The following PCARE variants were observed in gnomAD, a reference collection of about 807,000 sequenced individuals.
PCARE encodes uncharacterized protein C2orf71.
A neutral mutation model predicts 82.2 loss-of-function variants in PCARE; 72 were observed. That is an observed-to-expected ratio of 0.88 (90% CI 0.72 to 1.07). The LOEUF (loss-of-function observed/expected upper bound fraction) is 1.07, where lower values mean the gene tolerates loss of function less well. PCARE is among the 50% of genes least tolerant of loss of function. The pLI, the probability that PCARE is intolerant of heterozygous loss-of-function variation, is 0.00. For synonymous variants in PCARE, 705 were observed against 634.8 expected, an observed-to-expected ratio of 1.11 and a Z score of -1.66; for missense variants, 1,768 against 1,592.4, an observed-to-expected ratio of 1.11 and a Z score of -1.88.
rs995038818 is a variant in PCARE, at chr2:29,071,007, C to T, written c.3255G>A (p.Ser1085=). 16 of 1,492,560 alleles carry T rather than the reference C, an allele frequency of 1.1e-5. No homozygotes were observed. Among genetic ancestry groups the T allele is most frequent in the Middle Eastern group, 1.8e-4 (1 of 5,670 alleles). The allele number at this position is 1,492,560 out of a possible 1,614,324, so 92.5% of individuals were successfully genotyped here. A position where few individuals can be genotyped will look rare whatever the true frequency, so the allele number is the denominator to read the frequency against. The change falls in exon 1 of 2, where the codon TCG becomes TCA. Residue 1085 remains serine, a synonymous_variant. Coordinates refer to ENST00000331664, the MANE Select transcript of PCARE (RefSeq NM_001029883.3). ...TQHPEASPPF[S]IPSPSPPMSP... ...ACATTGGGGGTGATGGGGAGGGAATCGAGAAAGGGGGGCTTGCTTCTGGGT... is the reference window on the plus strand; with the variant it reads ...ACATTGGGGGTGATGGGGAGGGAATTGAGAAAGGGGGGCTTGCTTCTGGGT...
Position 29,074,256 on chromosome 2 carries a change from C to T in PCARE, c.6G>A (p.Gly2=). ...CAAGGTCACTGTGTGAAGGTGTACA[C>T]CCCATGATTTCAGCTTGTAGTCATC... M[G]CTPSHSDLVN... The change falls in exon 1 of 2, where the codon GGG becomes GGA. Residue 2 remains glycine (G), a synonymous_variant. Transcript: ENST00000331664. The T allele has an allele frequency of 6.5e-7, 1 of 1,528,698 alleles. No homozygotes were observed. Among genetic ancestry groups the T allele is most frequent in the Non-Finnish European group, 8.8e-7 (1 of 1,141,142 alleles). 94.7% of individuals were successfully genotyped at this position (1,528,698 alleles called of 1,614,324 possible).
chr2:29,071,604 C>T lies in PCARE; in HGVS notation c.2658G>A (p.Val886=), dbSNP rs1221797002. 1 of 1,612,950 alleles carries T rather than the reference C, an allele frequency of 6.2e-7. No homozygotes were observed. The highest frequency in any genetic ancestry group is 8.5e-7 in the Non-Finnish European group (1 of 1,179,910). ...TGCTGGGCAGCAAGTCCAGGGGGCT[C>T]ACAGAGGCCCTCAGCTTTGGGGAAG... ...TWASPKLRAS[V]SPLDLLPSKS... The change falls in exon 1 of 2, where the codon GTG becomes GTA. Residue 886 remains valine, a synonymous_variant. Coordinates refer to ENST00000331664, the MANE Select transcript of PCARE (RefSeq NM_001029883.3).
chr2:29,073,419 G>A lies in PCARE; in HGVS notation c.843C>T (p.Leu281=), dbSNP rs754201856. The change falls in exon 1 of 2, where the codon CTC becomes CTT. Residue 281 remains leucine, a synonymous_variant. Coordinates refer to ENST00000331664, the MANE Select transcript of PCARE (RefSeq NM_001029883.3). ...CGGTGAGCGAGGCCACTGTGCCATT[G>A]AGCACCTGCAGCTTGCTGACTGTGT... The part of the protein sequence containing the change: ...LQYTVSKLQV[L]NGTVASLTGS... The A allele has an allele frequency of 4.3e-6, 7 of 1,614,030 alleles. No homozygotes were observed. Among genetic ancestry groups the A allele is most frequent in the Non-Finnish European group, 5.9e-6 (7 of 1,180,024 alleles).
At position 29,071,969 on chromosome 2, in the gene PCARE, G is replaced by T. The variant is rs746085242; in HGVS notation, c.2293C>A (p.Pro765Thr). 10 of 1,613,890 alleles carry T rather than the reference G, an allele frequency of 6.2e-6. No individual in the cohort carries two copies. Among genetic ancestry groups the T allele is most frequent in the Non-Finnish European group, 7.6e-6 (9 of 1,179,884 alleles). ...CCTGTGTACTTGGGAAATCTGGGGG[G>T]CATGATGCAATTCCTGAGGCAGGGA... ...ASPCLRNCIM[P>T]PRFPKYTGLA... Residue 765 changes from proline (P) to threonine (T), a missense_variant, in exon 1 of 2, where the codon CCC becomes ACC. Pro to Thr is a conservative substitution (Grantham distance 38). Coordinates refer to ENST00000331664, the MANE Select transcript of PCARE (RefSeq NM_001029883.3).
chr2:29,074,285 C>A lies in PCARE; in HGVS notation c.-24G>T. ...ATGATTTCAGCTTGTAGTCATCTTC[C>A]ACCCACCTTCACAATTTTCCAAGAA... On this transcript the variant is annotated 5_prime_UTR_variant, in exon 1 of 2. Transcript: ENST00000331664. 1 of 1,515,546 alleles carries A rather than the reference C, an allele frequency of 6.6e-7. No individual in the cohort carries two copies. 93.9% of individuals were successfully genotyped at this position (1,515,546 alleles called of 1,614,324 possible).
At position 29,073,731 on chromosome 2, in the gene PCARE, C is replaced by T. The variant is rs200914951; in HGVS notation, c.531G>A (p.Pro177=). ...AHEPEGKVDF[P]EPLVKAHQQA... ...GCTGGTGGGCCTTTACCAGAGGCTC[C>T]GGGAAGTCCACTTTGCCTTCAGGCT... Residue 177 remains proline, a synonymous_variant, in exon 1 of 2, where the codon CCG becomes CCA. Transcript: ENST00000331664. 1.5e-4 allele frequency: 242 copies of T among 1,614,142 alleles called. 2 individuals are homozygous for T. In the Middle Eastern group the frequency reaches 2.0e-3, roughly 13 times the overall value.
At position 29,072,013 on chromosome 2, in the gene PCARE, G is replaced by A; in HGVS notation, c.2249C>T (p.Ser750Phe). 4 of 1,614,030 alleles carry A rather than the reference G, an allele frequency of 2.5e-6. No individual in the cohort carries two copies. The highest frequency in any genetic ancestry group is 3.4e-6 in the Non-Finnish European group (4 of 1,179,920). The change falls in exon 1 of 2, where the codon TCT becomes TTT. Residue 750 changes from serine to phenylalanine, a missense_variant. Physicochemically the swap from Ser to Phe is radical, Grantham distance 155. Coordinates refer to ENST00000331664, the MANE Select transcript of PCARE (RefSeq NM_001029883.3). ...PTESLRMLGD[S>F]KDAGASPCLR... ...GCAGGGACTTGCCCCAGCGTCCTTAGAGTCCCCCAGCATCCTCAGACTCTC... is the reference window on the plus strand; with the variant it reads ...GCAGGGACTTGCCCCAGCGTCCTTAAAGTCCCCCAGCATCCTCAGACTCTC...
chr2:29,070,663 C>T lies in PCARE; in HGVS notation c.3599G>A (p.Gly1200Asp), dbSNP rs1667457463. ...LRRTASDRQP[G>D]GRPQPPTLDP... is the part of the protein sequence containing the mutation. ...CAAGGTGGGAGGCTGCGGTCGGCCA[C>T]CTGGCTGGCGGTCAGAAGCTGTCCT... The change falls in exon 1 of 2, where the codon GGT becomes GAT. Residue 1200 changes from glycine to aspartate, a missense_variant. By Grantham distance (94) the Gly-to-Asp change is moderately conservative. Coordinates refer to ENST00000331664, the MANE Select transcript of PCARE (RefSeq NM_001029883.3). 1 of 1,614,094 alleles carries T rather than the reference C, an allele frequency of 6.2e-7. No homozygotes were observed. The highest frequency in any genetic ancestry group is 8.5e-7 in the Non-Finnish European group (1 of 1,180,016).
At chr2:29,068,108 C>G (rs1400637925) in intron 1 of PCARE, among the ~76,000 whole-genome samples, 1 of 152,172 alleles carries the variant, frequency 6.6e-6, no homozygotes, top group Non-Finnish European at 1.5e-5. Context: ...AATCTAATAA[C>G]TGAATAAGTG....
Position 29,072,842 on chromosome 2 carries a change from T to G in PCARE, c.1420A>C (p.Arg474=). The G allele has an allele frequency of 1.2e-6, 2 of 1,614,148 alleles. No homozygotes were observed. The highest frequency in any genetic ancestry group is 1.7e-6 in the Non-Finnish European group (2 of 1,180,020). Residue 474 remains arginine (R), a synonymous_variant, in exon 1 of 2, where the codon AGG becomes CGG. Coordinates refer to ENST00000331664, the MANE Select transcript of PCARE (RefSeq NM_001029883.3). ...CTAAGAGATGAAGCGTCCATCGGCC[T>G]GGAGGTTTTGGAAAGGTGTGGTTCC... ...SVEPHLSKTS[R]PMDASSLSDS...
At chr2:29,065,102 T>C (rs1667373115) in intron 1 of PCARE, 35 bp from the exon 2 acceptor site, 9 of 1,541,744 alleles carry the variant, frequency 5.8e-6, no homozygotes, top group Non-Finnish European at 7.9e-6. Context: ...GGTCAGACAC[T>C]CCTCCTCTGC....
Position 29,072,388 on chromosome 2 carries a change from G to A in PCARE, c.1874C>T (p.Ala625Val). 1 of 1,614,142 alleles carries A rather than the reference G, an allele frequency of 6.2e-7. No homozygotes were observed. The highest frequency in any genetic ancestry group is 1.1e-5 in the South Asian group (1 of 91,072). The change falls in exon 1 of 2, where the codon GCA (alanine) becomes GTA (valine). Residue 625 changes from alanine (A) to valine (V), a missense_variant. By Grantham distance (64) the Ala-to-Val change is moderately conservative (BLOSUM62 0). Transcript: ENST00000331664. ...VQRDLSQKLE[A>V]FYALGAKGQG... ...CCCTTTGGCACCCAGGGCATAAAAT[G>A]CCTCCAGCTTCTGACTGAGGTCCCT...
rs1667473732 is a variant in PCARE at position 29,071,242 on chromosome 2, T to C, written c.3020A>G (p.Lys1007Arg). 1.2e-6 allele frequency: 2 copies of C among 1,612,640 alleles called. No homozygotes were observed. Among genetic ancestry groups the C allele is most frequent in the South Asian group, 1.1e-5 (1 of 91,040 alleles). The change falls in exon 1 of 2, where the codon AAG (lysine) becomes AGG (arginine). Residue 1007 changes from lysine to arginine, a missense_variant. Lys to Arg is a conservative substitution (Grantham distance 26, BLOSUM62 2). Coordinates refer to ENST00000331664, the MANE Select transcript of PCARE (RefSeq NM_001029883.3). ...TRTHWVPQAD[K>R]RRRSLPSSYR... is the part of the protein sequence containing the mutation. ...AGAGGAGGGAAGGCTCCGGCGCCTC[T>C]TGTCTGCTTGAGGCACCCAGTGTGT...
chr2:29,072,821 G>C lies in PCARE; in HGVS notation c.1441C>G (p.Leu481Val), dbSNP rs1667515934. 3.1e-6 allele frequency: 5 copies of C among 1,614,080 alleles called. No homozygotes were observed. The change falls in exon 1 of 2, where the codon CTT becomes GTT. Residue 481 changes from leucine to valine, a missense_variant. Coordinates refer to ENST00000331664, the MANE Select transcript of PCARE (RefSeq NM_001029883.3). ...GGGCTGCTGTCCTCGCTGTCACTAA[G>C]AGATGAAGCGTCCATCGGCCTGGAG... ...KTSRPMDASS[L>V]SDSEDSSPEE...
At position 29,074,395 on chromosome 2, in the gene PCARE, A is replaced by G. The variant is rs1417056655; in HGVS notation, c.-134T>C. 2 of 907,590 alleles carry G rather than the reference A, an allele frequency of 2.2e-6. No individual in the cohort carries two copies. Among genetic ancestry groups the G allele is most frequent in the Admixed American group, 3.0e-5 (1 of 33,296 alleles). 56.2% of individuals were successfully genotyped at this position (907,590 alleles called of 1,614,324 possible). A position where few individuals can be genotyped will look rare whatever the true frequency, so the allele number is the denominator to read the frequency against. ...CAGAATTCTTTGAAGTCCATGGTAC[A>G]ATATCCTAAACTTGGAACCAGCTTT... On this transcript the variant is annotated 5_prime_UTR_variant, in exon 1 of 2. Coordinates refer to ENST00000331664, the MANE Select transcript of PCARE (RefSeq NM_001029883.3).
At position 29,071,437 on chromosome 2, in the gene PCARE, C is replaced by T. The variant is rs749286077; in HGVS notation, c.2825G>A (p.Ser942Asn). ...QSPEVKGGTWSQAEKATSLYR... is the reference protein window; with the variant it reads ...QSPEVKGGTWNQAEKATSLYR... ...GAGGCTGGTGGCCTTCTCTGCCTGA[C>T]TCCAAGTCCCACCCTTCACCTCGGG... Residue 942 changes from serine (S) to asparagine (N), a missense_variant, in exon 1 of 2, where the codon AGT (serine) becomes AAT (asparagine). Transcript: ENST00000331664. 3 of 1,613,194 alleles carry T rather than the reference C, an allele frequency of 1.9e-6. No individual in the cohort carries two copies. The highest frequency in any genetic ancestry group is 1.3e-5 in the African/African-American group (1 of 74,942).
Position 29,073,782 on chromosome 2 carries a change from G to A in PCARE, c.480C>T (p.Cys160=), listed in dbSNP as rs758252840. 3 of 1,614,238 alleles carry A rather than the reference G, an allele frequency of 1.9e-6. No homozygotes were observed. The highest frequency in any genetic ancestry group is 2.5e-6 in the Non-Finnish European group (3 of 1,180,042). ...CATGAGCAGGGTGGATGGTTTGGTA[G>A]CAGTGGCTCTGTGTGCTTGACGTGT... The part of the protein sequence containing the change: ...KCHTSSTQSH[C]YQTIHPAHEP... The change falls in exon 1 of 2, where the codon TGC becomes TGT. Residue 160 remains cysteine, a synonymous_variant. Coordinates refer to ENST00000331664, the MANE Select transcript of PCARE (RefSeq NM_001029883.3).
Position 29,072,996 on chromosome 2 carries a change from A to T in PCARE, c.1266T>A (p.Val422=). The T allele has an allele frequency of 6.2e-7, 1 of 1,614,096 alleles. No homozygotes were observed. The highest frequency in any genetic ancestry group is 8.5e-7 in the Non-Finnish European group (1 of 1,180,012). The change falls in exon 1 of 2, where the codon GTT becomes GTA. Residue 422 remains valine, a synonymous_variant. Coordinates refer to ENST00000331664, the MANE Select transcript of PCARE (RefSeq NM_001029883.3). ...TTGCTTCGTCCTGTGCTCGTGGCTG[A>T]ACCTTTGCCATAGGAGCCCCTGAGA... ...CLLSGAPMAK[V]QPRAQDEARS...
Position 29,071,254 on chromosome 2 carries a change from G to A in PCARE, c.3008C>T (p.Pro1003Leu), listed in dbSNP as rs1309835381. Residue 1003 changes from proline to leucine, a missense_variant, in exon 1 of 2, where the codon CCT becomes CTT. Transcript: ENST00000331664. ...KASPTRTHWVPQADKRRRSLP... is the reference protein window; with the variant it reads ...KASPTRTHWVLQADKRRRSLP... ...GCTCCGGCGCCTCTTGTCTGCTTGA[G>A]GCACCCAGTGTGTCCTCGTGGGAGA... 1 of 1,613,156 alleles carries A rather than the reference G, an allele frequency of 6.2e-7. No individual in the cohort carries two copies. Among genetic ancestry groups the A allele is most frequent in the African/African-American group, 1.3e-5 (1 of 74,982 alleles).
Sources: allele counts gnomAD v4.1 joint callset (sites outside exome capture counted in the v4.1 genomes callset), GRCh38; gene constraint gnomAD v4.1.1; transcripts MANE v1.5; gene names NCBI Gene and HGNC (gene_info 2026-07-23, HGNC 2026-07-21).